Variants in LPCAT2 observed in about 807,000 individuals in gnomAD.
LPCAT2 encodes lysophosphatidylcholine acyltransferase 2.
Under a neutral mutation model 64.7 loss-of-function variants are expected in LPCAT2, and 58 were observed. The observed-to-expected ratio is 0.90, with a 90% CI of 0.73 to 1.12. The LOEUF is 1.12. LPCAT2 is among the 50% of genes most tolerant of loss of function. The pLI, the probability that LPCAT2 is intolerant of heterozygous loss-of-function variation, is 0.00. For missense variants in LPCAT2, 579 were observed against 669.8 expected, an observed-to-expected ratio of 0.86 and a Z score of 1.50; for synonymous variants, 252 against 245.3, an observed-to-expected ratio of 1.03 and a Z score of -0.26.
intron 2 of LPCAT2, among the ~76,000 whole-genome samples, chr16:55,527,301 T>C (rs540717034): frequency 2.6e-5 from 4 of 151,998 alleles, no homozygotes; most frequent in African/African-American, 7.2e-5. Flanking sequence ...CTGGCCAACA[T>C]GATGAAACCC....
At chr16:55,536,229 G>A (rs1328545726) in intron 7 of LPCAT2, among the ~76,000 whole-genome samples, 8 of 152,092 alleles carry the variant, frequency 5.3e-5, no homozygotes, top group Non-Finnish European at 5.9e-5. Context: ...ATACCAAAAC[G>A]AATATCCCAA....
rs200214339 is a variant in LPCAT2 at position 55,509,379 on chromosome 16, G to A, written c.171+27G>A. ...TGAGGGGCGTGGGTCTGAGGGGAGAGGTGGTCTGAGGGGGGCCTAGGTCAG... is the reference window on the plus strand; with the variant it reads ...TGAGGGGCGTGGGTCTGAGGGGAGAAGTGGTCTGAGGGGGGCCTAGGTCAG... On this transcript the variant is annotated intron_variant, in intron 1 of 13. Transcript: ENST00000262134. The A allele has an allele frequency of 1.1e-4, 152 of 1,359,544 alleles. 1 individual carries two copies. In the East Asian group the frequency reaches 3.7e-3, roughly 33 times the overall value. 84.2% of individuals were successfully genotyped at this position (1,359,544 alleles called of 1,614,324 possible).
At chr16:55,537,489 G>A (rs1963338611) in intron 7 of LPCAT2, 89 bp from the exon 8 acceptor site, 2 of 969,726 alleles carry the variant, frequency 2.1e-6, no homozygotes, top group Non-Finnish European at 3.2e-6. Context: ...TGATGTGAGG[G>A]TATTTGTGTA....
chr16:55,536,193 G>C (rs561398418), intron 7 of LPCAT2, among the ~76,000 whole-genome samples: 2 of 152,180 alleles, frequency 1.3e-5, no homozygotes, highest in East Asian at 3.9e-4. Flanking sequence ...TGCTACTCCA[G>C]TTACAGATTC....
At chr16:55,549,524 A>G in intron 10 of LPCAT2, 122 bp downstream of exon 10, 2 of 978,868 alleles carry the variant, frequency 2.0e-6, no homozygotes, top group East Asian at 3.0e-5. Context: ...TATATTAGGA[A>G]AGTCAGAGTT....
In LPCAT2 at chr16:55,510,655, G is replaced by C. The variant is rs376877294; in HGVS notation, c.171+1303G>C. On this transcript the variant is annotated intron_variant, in intron 1 of 13. Coordinates refer to ENST00000262134, the MANE Select transcript of LPCAT2 (RefSeq NM_017839.5). The stretch of plus-strand genomic sequence containing the variant: ...GGTGTCTGGTTGAAGAGGGGTGTGA[G>C]AGAGGAAGAAGATAAAGAATGTAGT... Among the ~76,000 whole-genome samples, 14 of 152,276 alleles carry C rather than the reference G, an allele frequency of 9.2e-5. No individual in the cohort carries two copies. The East Asian group carries it at 2.3e-3, about 25-fold the overall frequency.
At chr16:55,575,415 G>A (rs140854738) in intron 12 of LPCAT2, among the ~76,000 whole-genome samples, 71 of 152,230 alleles carry the variant, frequency 4.7e-4, no homozygotes, top group African/African-American at 1.7e-3. Flanking sequence ...GAGTAAAGGG[G>A]CTTCATCTAA....
intron 1 of LPCAT2, among the ~76,000 whole-genome samples, chr16:55,512,903 A>G (rs1188976891): frequency 1.3e-5 from 2 of 152,228 alleles, no homozygotes; most frequent in Non-Finnish European, 2.9e-5. Flanking sequence ...CTAGCTTCAA[A>G]CAAATTTTCC....
intron 11 of LPCAT2, among the ~76,000 whole-genome samples, chr16:55,559,444 G>T (rs1963611290): frequency 6.6e-6 from 1 of 152,070 alleles, no homozygotes; most frequent in Admixed American, 6.5e-5. Flanking sequence ...TGTCTGCCCT[G>T]TTCTTGTTCT....
At chr16:55,580,188 T>C (rs1963873456) in intron 13 of LPCAT2, among the ~76,000 whole-genome samples, 1 of 152,204 alleles carries the variant, frequency 6.6e-6, no homozygotes, top group Non-Finnish European at 1.5e-5. Flanking sequence ...CATACTTCTC[T>C]TACTCTCTGT....
At chr16:55,514,320 A>C (rs1425773996) in intron 1 of LPCAT2, among the ~76,000 whole-genome samples, 1 of 152,162 alleles carries the variant, frequency 6.6e-6, no homozygotes, top group African/African-American at 2.4e-5. Flanking sequence ...GGGACTGTAC[A>C]AGCAGAAAGT....
chr16:55,545,308 A>T (rs560380549), intron 8 of LPCAT2, among the ~76,000 whole-genome samples: 2 of 152,328 alleles, frequency 1.3e-5, no homozygotes, highest in East Asian at 1.9e-4. Context: ...GATAGAGAAG[A>T]TGAAAGGCAA....
chr16:55,531,924 T>A lies in LPCAT2; in HGVS notation c.653T>A (p.Phe218Tyr). 6.3e-7 allele frequency: 1 copy of A among 1,586,644 alleles called. No individual in the cohort carries two copies. The highest frequency in any genetic ancestry group is 1.1e-5 in the South Asian group (1 of 89,872). Residue 218 changes from phenylalanine (F) to tyrosine (Y), a missense_variant, in exon 5 of 14, where the codon TTC becomes TAC. By Grantham distance (22) the Phe-to-Tyr change is conservative. Transcript: ENST00000262134. ...TCCTTTTTTCCCAAGATACTAGTTT[T>A]CCCAGAAGGTACTTGTACTAATCGT... is the stretch of plus-strand genomic sequence containing the variant. ...SGGEWPQILVFPEGTCTNRSC... is the reference protein window; with the variant it reads ...SGGEWPQILVYPEGTCTNRSC...
chr16:55,538,697 A>G lies in LPCAT2; in HGVS notation c.852+1065A>G, dbSNP rs899703436. The G allele has an allele frequency of 6.3e-4, 96 of 151,194 alleles. No individual in the cohort carries two copies. The East Asian group carries it at 0.012, about 20-fold the overall frequency. 9.4% of individuals were successfully genotyped at this position (151,194 alleles called of 1,614,324 possible). A position where few individuals can be genotyped will look rare whatever the true frequency, so the allele number is the denominator to read the frequency against. The stretch of plus-strand genomic sequence containing the variant: ...CTGTGGCCAAAAAAAAAAAAAAAAA[A>G]AAAAAAGAAAACCCACACTTGTTCT... On this transcript the variant is annotated intron_variant, in intron 8 of 13. Coordinates refer to ENST00000262134, the MANE Select transcript of LPCAT2 (RefSeq NM_017839.5).
chr16:55,575,398 G>A (rs1242057565), intron 12 of LPCAT2, among the ~76,000 whole-genome samples: 1 of 152,174 alleles, frequency 6.6e-6, no homozygotes, highest in Non-Finnish European at 1.5e-5. Context: ...TGTGTGTTCT[G>A]TTCTGAGAGT....
Position 55,537,689 on chromosome 16 carries a change from G to T in LPCAT2, c.852+57G>T. 4 of 1,466,108 alleles carry T rather than the reference G, an allele frequency of 2.7e-6. No homozygotes were observed. In the South Asian group the frequency reaches 4.6e-5, roughly 17 times the overall value. 90.8% of individuals were successfully genotyped at this position (1,466,108 alleles called of 1,614,324 possible). A position where few individuals can be genotyped will look rare whatever the true frequency, so the allele number is the denominator to read the frequency against. On this transcript the variant is annotated intron_variant, in intron 8 of 13. Coordinates refer to ENST00000262134, the MANE Select transcript of LPCAT2 (RefSeq NM_017839.5). ...GAGATTTGGCCTTTCCTTTAATTTT[G>T]AACCTCTAGTCTAGAGAGACCAGAT...
At chr16:55,539,443 C>T (rs1010308817) in intron 8 of LPCAT2, 1 of 152,088 alleles carries the variant, frequency 6.6e-6, no homozygotes, top group Admixed American at 6.5e-5. Context: ...AATCGTAGTG[C>T]AGAACAAGAG....
At position 55,541,840 on chromosome 16, in the gene LPCAT2, G is replaced by T. The variant is rs1319509786; in HGVS notation, c.853-3895G>T. 3.1e-6 allele frequency: 4 copies of T among 1,286,054 alleles called. No homozygotes were observed. The Admixed American group carries it at 6.9e-5, about 22-fold the overall frequency. 79.7% of individuals were successfully genotyped at this position (1,286,054 alleles called of 1,614,324 possible). A position where few individuals can be genotyped will look rare whatever the true frequency, so the allele number is the denominator to read the frequency against. ...CTTTTACTTTCTGTCTCATCTAGAT[G>T]TTTCTGTTCTTTTGGGAAGGAAGCA... is the stretch of plus-strand genomic sequence containing the variant. On this transcript the variant is annotated intron_variant, in intron 8 of 13. Coordinates refer to ENST00000262134, the MANE Select transcript of LPCAT2 (RefSeq NM_017839.5).
chr16:55,559,585 A>T (rs1389559997), intron 11 of LPCAT2, among the ~76,000 whole-genome samples: 2 of 152,132 alleles, frequency 1.3e-5, no homozygotes, highest in Non-Finnish European at 2.9e-5. Flanking sequence ...AGGACAGGGC[A>T]CTTAGGTGGC....
Sources: gnomAD v4.1 joint callset for allele counts (sites outside exome capture counted in the v4.1 genomes callset) on GRCh38, gnomAD v4.1.1 for gene constraint, MANE v1.5 for transcripts, NCBI Gene and HGNC (gene_info 2026-07-23, HGNC 2026-07-21) for gene names.